Variants in PBRM1 observed in about 807,000 individuals in gnomAD.
PBRM1 encodes the protein polybromo 1.
PBRM1 carries 27 observed loss-of-function variants against 194.5 expected under a neutral mutation model. That is an observed-to-expected ratio of 0.14 (90% CI 0.10 to 0.19). The LOEUF (loss-of-function observed/expected upper bound fraction) is 0.19, where lower values mean the gene tolerates loss of function less well. Ranked by LOEUF, PBRM1 falls within the 10% of genes least tolerant of loss-of-function variation. PBRM1 has a pLI of 1.00. For missense variants in PBRM1, 1,466 were observed against 2,077.2 expected, an observed-to-expected ratio of 0.71 and a Z score of 5.72; for synonymous variants, 655 against 693.2, an observed-to-expected ratio of 0.94 and a Z score of 0.87.
rs1323161020 is a variant in PBRM1, at chr3:52,624,956, AC to A, written c.1541+2316del. 5.9e-6 allele frequency: 9 copies of A among 1,535,798 alleles called. No homozygotes were observed. The highest frequency in any genetic ancestry group is 7.9e-6 in the Non-Finnish European group (9 of 1,133,594). ...CATGAGTGTTCCTGGGAAAGCAGAA[AC>A]AAACATTACATGTAAAGAGAAACAA... On this transcript the variant is annotated intron_variant, in intron 13 of 29. Coordinates refer to ENST00000296302, the Ensembl canonical transcript of PBRM1.
intron 20 of PBRM1, among the ~76,000 whole-genome samples, chr3:52,583,741 CTCG>C (rs1159290288): frequency 1.3e-5 from 2 of 151,720 alleles, no homozygotes; most frequent in African/African-American, 4.8e-5. Flanking sequence ...ACAGAAAATC[CTCG>C]TCTATTCCAA....
intron 2 of PBRM1, among the ~76,000 whole-genome samples, chr3:52,675,777 CTT>C (rs1361655807): frequency 6.6e-6 from 1 of 152,170 alleles, no homozygotes; most frequent in African/African-American, 2.4e-5. Context: ...AAAGCACAGT[CTT>C]TTCAACAAAC....
rs902582308 is a variant in PBRM1 at position 52,580,329 on chromosome 3, G to C, written c.3388-1130C>G. Reference sequence around the variant, plus strand: ...TTCCAACATGGAAAGGAATAGCATAGCCTCTGTGATATAAACATGCTTTTT... The same window carrying C: ...TTCCAACATGGAAAGGAATAGCATACCCTCTGTGATATAAACATGCTTTTT... On this transcript the variant is annotated intron_variant, in intron 20 of 29. Transcript: ENST00000296302. 3.3e-5 allele frequency among the ~76,000 whole-genome samples: 5 copies of C among 152,212 alleles called. 1 individual carries two copies. In the South Asian group the frequency reaches 1.0e-3, roughly 32 times the overall value.
intron 19 of PBRM1, 145 bp from the exon 22 acceptor site, chr3:52,586,833 T>C (rs1395524275): frequency 1.7e-6 from 1 of 604,342 alleles, no homozygotes; most frequent in Non-Finnish European, 2.8e-6. Flanking sequence ...TAACAAAAAA[T>C]AATAAATGAC....
intron 20 of PBRM1, 184 bp from the exon 23 acceptor site, chr3:52,579,383 T>TTCC (rs1185825898): frequency 6.6e-6 from 4 of 604,044 alleles, no homozygotes; most frequent in African/African-American, 1.9e-5. Context: ...CCCAAGAGTT[T>TTCC]GAGACCAGCT....
chr3:52,575,869 A>C (rs1455447451), intron 22 of PBRM1, among the ~76,000 whole-genome samples: 1 of 152,024 alleles, frequency 6.6e-6, no homozygotes, highest in Non-Finnish European at 1.5e-5. Context: ...GTAAAATGTC[A>C]TTGCAAATAG....
chr3:52,570,845 A>G (rs6786043), intron 22 of PBRM1, among the ~76,000 whole-genome samples: 68,931 of 151,234 alleles, frequency 0.46, 16,028 homozygotes, highest in African/African-American at 0.52. Context: ...GTGTGTGCGC[A>G]CATGTGTGCA....
At chr3:52,549,480 T>C (rs2080333387) in intron 29 of PBRM1, among the ~76,000 whole-genome samples, 1 of 152,098 alleles carries the variant, frequency 6.6e-6, no homozygotes, top group Non-Finnish European at 1.5e-5. Flanking sequence ...AATGCATCTA[T>C]ACTAATGTCC....
chr3:52,565,002 G>A (rs1386197978), intron 22 of PBRM1, among the ~76,000 whole-genome samples: 1 of 151,750 alleles, frequency 6.6e-6, no homozygotes, highest in African/African-American at 2.4e-5. Flanking sequence ...GATCGAGACC[G>A]TCCTTGGCCA....
chr3:52,625,903 C>A (rs2095432942), intron 13 of PBRM1, among the ~76,000 whole-genome samples: 1 of 152,006 alleles, frequency 6.6e-6, no homozygotes, highest in Non-Finnish European at 1.5e-5. Context: ...TTTGAGTGTC[C>A]CACAGACTAC....
intron 15 of PBRM1, among the ~76,000 whole-genome samples, chr3:52,614,571 C>A (rs1388875194): frequency 7.3e-6 from 1 of 137,506 alleles, no homozygotes; most frequent in East Asian, 2.1e-4. Context: ...TTTTTCTTCC[C>A]TTTTTTTTTT....
chr3:52,589,825 TTTTA>T (rs1401404763), intron 17 of PBRM1, among the ~76,000 whole-genome samples: 6 of 152,042 alleles, frequency 3.9e-5, no homozygotes, highest in African/African-American at 1.2e-4. Context: ...TGACTTTTAT[TTTTA>T]TTTATTTATT....
chr3:52,550,873 AACT>A (rs949051215), intron 27 of PBRM1, 56 bp from the exon 30 acceptor site: 32 of 1,115,082 alleles, frequency 2.9e-5, no homozygotes, highest in African/African-American at 3.1e-5. Context: ...ATGACTGAAA[AACT>A]ACTGTCTGAT....
At chr3:52,663,782 A>G (rs1165238963) in intron 3 of PBRM1, among the ~76,000 whole-genome samples, 3 of 151,726 alleles carry the variant, frequency 2.0e-5, no homozygotes, top group Admixed American at 1.3e-4. Flanking sequence ...CATGGTGGCC[A>G]GGCGTGGTGG....
exon 3 of PBRM1, chr3:52,668,528 A>G: frequency 3.7e-6 from 6 of 1,605,312 alleles, no homozygotes; most frequent in Non-Finnish European, 5.1e-6. Flanking sequence ...TGTTAAAAAG[A>G]AGCTGGAAGT....
intron 17 of PBRM1, among the ~76,000 whole-genome samples, chr3:52,594,127 C>CTG (rs2093355770): frequency 6.6e-6 from 1 of 152,140 alleles, no homozygotes; most frequent in Admixed American, 6.5e-5. Flanking sequence ...AGCAATCCTC[C>CTG]TGTCTTGGCC....
rs765736196 is a variant in PBRM1, at chr3:52,615,476, T to G, written c.1819-20A>C. 7.4e-7 allele frequency: 1 copy of G among 1,342,288 alleles called. No individual in the cohort carries two copies. Among genetic ancestry groups the G allele is most frequent in the Non-Finnish European group, 1.1e-6 (1 of 935,702 alleles). 83.1% of individuals were successfully genotyped at this position (1,342,288 alleles called of 1,614,324 possible). The stretch of plus-strand genomic sequence containing the variant: ...ATAAACCTACATTCCAAAAATATAC[T>G]TCAATTATTTTCTAAAAACTTTTCA... On this transcript the variant is annotated intron_variant, in intron 14 of 29. Coordinates refer to ENST00000296302, the Ensembl canonical transcript of PBRM1.
chr3:52,664,366 A>G (rs549006422), intron 3 of PBRM1, among the ~76,000 whole-genome samples: 55 of 145,762 alleles, frequency 3.8e-4, no homozygotes, highest in Non-Finnish European at 4.5e-5. Flanking sequence ...TACTAAATTT[A>G]TATTTAACTA....
chr3:52,681,667 G>A, upstream of PBRM1: 1 of 985,356 alleles, frequency 1.0e-6, no homozygotes, highest in Non-Finnish European at 1.2e-6. Flanking sequence ...ACAGAAAAGG[G>A]AAAGGGTGTA....
Sources: gnomAD v4.1 joint callset for allele counts (sites outside exome capture counted in the v4.1 genomes callset) on GRCh38, gnomAD v4.1.1 for gene constraint, MANE v1.5 for transcripts, NCBI Gene and HGNC (gene_info 2026-07-23, HGNC 2026-07-21) for gene names.